The following ABCB5 variants were observed in gnomAD, a reference collection of about 807,000 sequenced individuals.
ABCB5 encodes the protein ATP binding cassette subfamily B member 5.
In ABCB5, 155 loss-of-function variants were observed where a neutral mutation model predicts 144.2. The ratio of observed to expected loss-of-function variants is 1.08; its 90% CI spans 0.94 to 1.23. ABCB5 has a LOEUF of 1.23. ABCB5 is among the 50% of genes most tolerant of loss of function. ABCB5 has a pLI of 0.00. For synonymous variants in ABCB5, 610 were observed against 528.6 expected (o/e 1.15, Z -2.11); for missense variants, 1,830 against 1,520.8 (o/e 1.20, Z -3.38).
chr7:20,735,561 C>G (rs1276917008), intron 23 of ABCB5, among the ~76,000 whole-genome samples: 1 of 152,122 alleles, frequency 6.6e-6, no homozygotes, highest in Admixed American at 6.5e-5. Context: ...TTGCCTGGCT[C>G]CTCCCCAGAG....
chr7:20,729,658 A>G (rs1038874744), intron 23 of ABCB5, among the ~76,000 whole-genome samples: 4 of 152,236 alleles, frequency 2.6e-5, no homozygotes, highest in African/African-American at 9.6e-5. Context: ...TTGCTAATCC[A>G]TCATAAACGT....
intron 14 of ABCB5, among the ~76,000 whole-genome samples, chr7:20,663,500 T>C (rs1785069902): frequency 6.6e-6 from 1 of 152,146 alleles, no homozygotes; most frequent in Non-Finnish European, 1.5e-5. Context: ...AGGATCCATA[T>C]TGCTTAATTC....
At chr7:20,649,634 G>A (rs1562538104) in intron 11 of ABCB5, among the ~76,000 whole-genome samples, 1 of 152,200 alleles carries the variant, frequency 6.6e-6, no homozygotes, top group Non-Finnish European at 1.5e-5. Flanking sequence ...ATGTTAGTAT[G>A]TCCTAAGGAG....
intron 24 of ABCB5, among the ~76,000 whole-genome samples, chr7:20,742,488 T>C (rs1007696055): frequency 5.3e-5 from 8 of 152,224 alleles, no homozygotes; most frequent in African/African-American, 1.4e-4. Flanking sequence ...ATATAGTTTA[T>C]GAGAACCCCA....
chr7:20,684,604 T>G (rs1203360330), intron 15 of ABCB5, among the ~76,000 whole-genome samples: 1 of 151,538 alleles, frequency 6.6e-6, no homozygotes, highest in Non-Finnish European at 1.5e-5. Flanking sequence ...AGTAAATAAA[T>G]AAATAAAAAC....
intron 20 of ABCB5, among the ~76,000 whole-genome samples, chr7:20,708,285 G>A (rs1786890041): frequency 6.6e-6 from 1 of 152,178 alleles, no homozygotes; most frequent in African/African-American, 2.4e-5. Flanking sequence ...ATCTACAGCA[G>A]AAGCTAATAT....
intron 5 of ABCB5, chr7:20,641,899 AAGTTG>A (rs1784303964): frequency 6.6e-6 from 1 of 152,338 alleles, no homozygotes; most frequent in Admixed American, 6.5e-5. Context: ...CTAGCAGAGA[AAGTTG>A]GTTGTTCTTG....
intron 11 of ABCB5, among the ~76,000 whole-genome samples, chr7:20,649,101 TG>T (rs971786761): frequency 1.1e-4 from 16 of 152,224 alleles, no homozygotes; most frequent in African/African-American, 2.9e-4. Flanking sequence ...AATGAAATTT[TG>T]GGGGGGTCCA....
intron 13 of ABCB5, among the ~76,000 whole-genome samples, chr7:20,652,649 C>T (rs1784636372): frequency 6.6e-6 from 1 of 152,170 alleles, no homozygotes; most frequent in South Asian, 2.1e-4. Flanking sequence ...ATATAGTAAG[C>T]TAAAATTATT....
Position 20,717,883 on chromosome 7 carries a change from C to CTTTTTTTTTTTTTT in ABCB5, c.2422-5110_2422-5097dup, listed in dbSNP as rs574592723. Among the ~76,000 whole-genome samples, 4 of 43,208 alleles carry CTTTTTTTTTTTTTT rather than the reference C, an allele frequency of 9.3e-5. 2 individuals are homozygous for CTTTTTTTTTTTTTT. Among genetic ancestry groups the CTTTTTTTTTTTTTT allele is most frequent in the African/African-American group, 2.9e-4 (4 of 13,624 alleles). The allele number at this position is 43,208 out of a possible 152,430, so 28.3% of individuals were successfully genotyped here. On this transcript the variant is annotated intron_variant, in intron 20 of 27. Transcript: ENST00000404938. ...AATACGGTAACATTCTTGTAACATTCTTTTTTTTTTTTTTTTTTTTTTTTT... is the reference window on the plus strand; with the variant it reads ...AATACGGTAACATTCTTGTAACATTCTTTTTTTTTTTTTTTTTTTTTTTTTTTTTTTTTTTTTTT...
intron 14 of ABCB5, among the ~76,000 whole-genome samples, chr7:20,679,883 C>G (rs917475738): frequency 2.0e-5 from 3 of 152,118 alleles, no homozygotes; most frequent in African/African-American, 7.2e-5. Context: ...AGCATATACA[C>G]ACTTTACGAC....
chr7:20,708,301 G>A (rs1786890336), intron 20 of ABCB5, among the ~76,000 whole-genome samples: 1 of 152,102 alleles, frequency 6.6e-6, no homozygotes, highest in Non-Finnish European at 1.5e-5. Context: ...AATATCCAGA[G>A]GCATTTAGTA....
At chr7:20,728,155 T>C (rs1006379968) in intron 22 of ABCB5, among the ~76,000 whole-genome samples, 160 bp from the exon 23 acceptor site, 3 of 36,182 alleles carry the variant, frequency 8.3e-5, no homozygotes, top group Admixed American at 7.8e-4. Flanking sequence ...GAATTCTCAG[T>C]AGTAAAAAAA....
chr7:20,727,238 TC>T lies in ABCB5; in HGVS notation c.2726+99del, dbSNP rs1286538049. ...GTGGTTTGCCTGCTAATTCATTTGC[TC>T]TTGAGCCTTTCCTAATAATGTCATG... On this transcript the variant is annotated intron_variant, in intron 22 of 27. Transcript: ENST00000404938. 14 of 715,696 alleles carry T rather than the reference TC, an allele frequency of 2.0e-5. No individual in the cohort carries two copies. In the African/African-American group the frequency reaches 2.4e-4, roughly 12 times the overall value. 44.3% of individuals were successfully genotyped at this position (715,696 alleles called of 1,614,324 possible). A position where few individuals can be genotyped will look rare whatever the true frequency, so the allele number is the denominator to read the frequency against.
chr7:20,718,389 T>TTCTTAGAGTTAGTGTA (rs1781756876), intron 20 of ABCB5, among the ~76,000 whole-genome samples: 1 of 152,194 alleles, frequency 6.6e-6, no homozygotes, highest in South Asian at 2.1e-4. Context: ...AGGCCCATGG[T>TTCTTAGAGTTAGTGTA]TCTTAGAGTT....
At chr7:20,660,404 C>A in intron 14 of ABCB5, 1 of 985,432 alleles carries the variant, frequency 1.0e-6, no homozygotes, top group Non-Finnish European at 1.2e-6. Context: ...AGGTGTGAAA[C>A]TGCTTTATGT....
chr7:20,719,177 CA>C (rs1374374732), intron 20 of ABCB5, among the ~76,000 whole-genome samples: 1 of 151,914 alleles, frequency 6.6e-6, no homozygotes, highest in Non-Finnish European at 1.5e-5. Context: ...ATGATCAGAG[CA>C]AAAAATATAT....
At chr7:20,651,730 T>A in intron 13 of ABCB5, 107 bp downstream of exon 13, 1 of 1,209,604 alleles carries the variant, frequency 8.3e-7, no homozygotes, top group Non-Finnish European at 1.2e-6. Context: ...GGGGTGTGAT[T>A]AAATTCTGGA....
rs776999831 is a variant in ABCB5 at position 20,723,016 on chromosome 7, G to C, written c.2422G>C (p.Ala808Pro). ...LAIDIAQIQG[A>P]TGSRIGVLTQ... ...TCCCCCAAAATATGTCTGATTATAGGCAACAGGTTCCAGGATTGGCGTCTT... is the reference window on the plus strand; with the variant it reads ...TCCCCCAAAATATGTCTGATTATAGCCAACAGGTTCCAGGATTGGCGTCTT... Residue 808 changes from alanine to proline, a missense_variant and splice_region_variant, in exon 21 of 28, where the codon GCA becomes CCA. Ala to Pro is a conservative substitution (Grantham distance 27). Transcript: ENST00000404938. 8 of 1,613,848 alleles carry C rather than the reference G, an allele frequency of 5.0e-6. No homozygotes were observed. The highest frequency in any genetic ancestry group is 3.3e-5 in the Admixed American group (2 of 59,976).
Sources: gnomAD v4.1 joint callset for allele counts (sites outside exome capture counted in the v4.1 genomes callset) on GRCh38, gnomAD v4.1.1 for gene constraint, MANE v1.5 for transcripts, NCBI Gene and HGNC (gene_info 2026-07-23, HGNC 2026-07-21) for gene names.